Variants in LOXHD1 observed in about 807,000 individuals in gnomAD.
LOXHD1 encodes lipoxygenase homology domain-containing protein 1.
A neutral mutation model predicts 248.2 loss-of-function variants in LOXHD1; 205 were observed. The ratio of observed to expected loss-of-function variants is 0.83; its 90% CI spans 0.74 to 0.93. The LOEUF (loss-of-function observed/expected upper bound fraction) is 0.93. Ranked by LOEUF, LOXHD1 falls within the 40% of genes least tolerant of loss-of-function variation. The probability of loss-of-function intolerance (pLI) is 0.00; values close to 1 mark genes in which losing one functional copy is unlikely to be tolerated. For synonymous variants in LOXHD1, 1,113 were observed against 1,162.8 expected, an observed-to-expected ratio of 0.96 and a Z score of 0.87; for missense variants, 2,930 against 2,971.6, an observed-to-expected ratio of 0.99 and a Z score of 0.33.
chr18:46,592,145 T>A, intron 11 of LOXHD1, 77 bp from the exon 12 acceptor site: 2 of 1,524,446 alleles, frequency 1.3e-6, no homozygotes, highest in Non-Finnish European at 8.9e-7. Context: ...CATTCTGCTA[T>A]CTCATTGCAG....
At chr18:46,641,845 GC>G in intron 3 of LOXHD1, 110 bp downstream of exon 3, 1 of 1,072,046 alleles carries the variant, frequency 9.3e-7, no homozygotes, top group Non-Finnish European at 1.4e-6. Context: ...GCCTTTGGTA[GC>G]CCCTCAAATA....
chr18:46,592,647 C>T, intron 10 of LOXHD1, 63 bp from the exon 11 acceptor site: 1 of 1,375,588 alleles, frequency 7.3e-7, no homozygotes, highest in Non-Finnish European at 1.0e-6. Flanking sequence ...ATTCTCATAG[C>T]TGACCCACTC....
chr18:46,573,207 C>A (rs1395094496), intron 14 of LOXHD1, among the ~76,000 whole-genome samples: 1 of 152,052 alleles, frequency 6.6e-6, no homozygotes, highest in Non-Finnish European at 1.5e-5. Context: ...CTGTGCTCTG[C>A]AGGGCTGCGG....
At chr18:46,564,505 T>C (rs1340288883) in intron 17 of LOXHD1, among the ~76,000 whole-genome samples, 1 of 152,154 alleles carries the variant, frequency 6.6e-6, no homozygotes, top group East Asian at 1.9e-4. Context: ...CACTCCAGCC[T>C]GGGTGCCAGA....
Position 46,656,964 on chromosome 18 carries a change from G to A in LOXHD1, c.70C>T (p.Leu24=), listed in dbSNP as rs907526414. 1.3e-6 allele frequency: 2 copies of A among 1,551,644 alleles called. No homozygotes were observed. The highest frequency in any genetic ancestry group is 2.4e-5 in the East Asian group (1 of 40,904). ...TCGTCGTCCTCCGAGGCGTAGTTCA[G>A]CAGCTCCGCTTCGTACAGGGCCAGG... The part of the protein sequence containing the change: ...DFLALYEAEL[L]NYASEDDEGE... The change falls in exon 1 of 41, where the codon CTG becomes TTG. Residue 24 remains leucine (L), a synonymous_variant. Transcript: ENST00000642948.
chr18:46,564,442 G>T (rs532874904), intron 17 of LOXHD1, among the ~76,000 whole-genome samples: 1 of 152,222 alleles, frequency 6.6e-6, no homozygotes, highest in African/African-American at 2.4e-5. Context: ...TGAGGCAGGG[G>T]GATCGCTCGA....
chr18:46,624,926 A>G (rs1301127399), intron 4 of LOXHD1, among the ~76,000 whole-genome samples: 3 of 152,170 alleles, frequency 2.0e-5, no homozygotes, highest in Non-Finnish European at 2.9e-5. Flanking sequence ...TATTAAAATC[A>G]TAAGTGCCTC....
At chr18:46,530,548 A>G (rs568727056) in intron 28 of LOXHD1, among the ~76,000 whole-genome samples, 1 of 152,184 alleles carries the variant, frequency 6.6e-6, no homozygotes, top group Admixed American at 6.5e-5. Flanking sequence ...CCAGGCCTCT[A>G]CTGTGAGCCT....
intron 4 of LOXHD1, among the ~76,000 whole-genome samples, chr18:46,632,600 G>T (rs2038840034): frequency 6.6e-6 from 1 of 152,128 alleles, no homozygotes; most frequent in Non-Finnish European, 1.5e-5. Flanking sequence ...AAATCCACCA[G>T]GAAGACAGTC....
intron 6 of LOXHD1, among the ~76,000 whole-genome samples, chr18:46,610,357 A>T (rs1308041602): frequency 1.3e-5 from 2 of 150,012 alleles, no homozygotes; most frequent in East Asian, 4.0e-4. Flanking sequence ...CAATGAGAAC[A>T]CTTGGACACA....
intron 35 of LOXHD1, 83 bp from the exon 36 acceptor site, chr18:46,507,795 G>A (rs1183117971): frequency 1.1e-5 from 16 of 1,401,972 alleles, no homozygotes; most frequent in Middle Eastern, 2.0e-4. Flanking sequence ...GCCCCTCCCC[G>A]AATCCCAACC....
intron 20 of LOXHD1, chr18:46,559,106 C>A: frequency 5.3e-6 from 7 of 1,318,822 alleles, no homozygotes; most frequent in South Asian, 1.2e-5. Context: ...GCTCCCTCCC[C>A]CTAGTTTTCC....
intron 4 of LOXHD1, among the ~76,000 whole-genome samples, chr18:46,633,353 G>A (rs2144362086): frequency 6.6e-6 from 1 of 152,282 alleles, no homozygotes; most frequent in Non-Finnish European, 1.5e-5. Context: ...CAACAGGGGT[G>A]CCAAAACTGT....
chr18:46,592,218 G>T, intron 11 of LOXHD1, 150 bp from the exon 12 acceptor site: 1 of 1,168,030 alleles, frequency 8.6e-7, no homozygotes, highest in Non-Finnish European at 1.2e-6. Context: ...ATTAGTATTT[G>T]TTCCTGGTTT....
At chr18:46,641,026 T>C (rs2038956373) in intron 3 of LOXHD1, among the ~76,000 whole-genome samples, 1 of 152,156 alleles carries the variant, frequency 6.6e-6, no homozygotes, top group South Asian at 2.1e-4. Flanking sequence ...GCACAAAGTC[T>C]GGCACATAGT....
chr18:46,628,467 A>C (rs1203367838), intron 4 of LOXHD1, among the ~76,000 whole-genome samples: 1 of 152,234 alleles, frequency 6.6e-6, no homozygotes, highest in Non-Finnish European at 1.5e-5. Context: ...AAATAGGCTC[A>C]GAGAGCCCTG....
At chr18:46,503,255 G>A (rs183908694) in intron 37 of LOXHD1, among the ~76,000 whole-genome samples, 1 of 152,228 alleles carries the variant, frequency 6.6e-6, no homozygotes, top group East Asian at 1.9e-4. Context: ...CCTAAACAAC[G>A]GTTTAGGCAC....
At chr18:46,573,693 G>A (rs1177333216) in intron 14 of LOXHD1, among the ~76,000 whole-genome samples, 5 of 152,160 alleles carry the variant, frequency 3.3e-5, no homozygotes, top group Non-Finnish European at 7.3e-5. Flanking sequence ...CCCCAAGGCT[G>A]ACGGAGGCAA....
rs1164631174 is a variant in LOXHD1, at chr18:46,639,704, G to A, written c.423C>T (p.Asn141=). The A allele has an allele frequency of 7.1e-6, 11 of 1,551,640 alleles. No homozygotes were observed. The highest frequency in any genetic ancestry group is 1.4e-5 in the African/African-American group (1 of 73,058). Residue 141 remains asparagine, a synonymous_variant, in exon 4 of 41, where the codon AAC becomes AAT. Coordinates refer to ENST00000642948, the MANE Select transcript of LOXHD1 (RefSeq NM_001384474.1). ...CCACCTTGCTCAGCCAGTTGTTGCA[G>A]TTGAAGTAGTAACGGAGATGAGGCC... ...MKRPHLRYYF[N]CNNWLSKVEG... is the part of the protein sequence containing the mutation.
Sources: gnomAD v4.1 joint callset for allele counts (sites outside exome capture counted in the v4.1 genomes callset) on GRCh38, gnomAD v4.1.1 for gene constraint, MANE v1.5 for transcripts, NCBI Gene and HGNC (gene_info 2026-07-23, HGNC 2026-07-21) for gene names.